Variants in FOCAD observed in about 807,000 individuals in gnomAD.
FOCAD encodes the protein focadhesin.
Under a neutral mutation model 225.6 loss-of-function variants are expected in FOCAD, and 198 were observed. The observed-to-expected ratio is 0.88, with a 90% CI of 0.78 to 0.99. The LOEUF (loss-of-function observed/expected upper bound fraction) is 0.99. Among genes scored for constraint, FOCAD ranks in the 50% least tolerant of loss-of-function variants. FOCAD has a pLI of 0.00. For synonymous variants in FOCAD, 897 were observed against 755.0 expected (o/e 1.19, Z -3.08); for missense variants, 2,713 against 2,123.6 (o/e 1.28, Z -5.46).
intron 7 of FOCAD, among the ~76,000 whole-genome samples, chr9:20,765,378 A>C (rs1052150885): frequency 3.3e-5 from 5 of 152,004 alleles, no homozygotes; most frequent in Admixed American, 6.6e-5. Context: ...TTTTGAGTTG[A>C]GTTTCTTCTG....
intron 18 of FOCAD, among the ~76,000 whole-genome samples, chr9:20,867,694 A>G (rs1008265837): frequency 1.3e-5 from 2 of 152,226 alleles, no homozygotes; most frequent in African/African-American, 2.4e-5. Context: ...TAGTGCCACT[A>G]TGAATTCAAA....
At chr9:20,916,525 T>C (rs1430826599) in intron 23 of FOCAD, among the ~76,000 whole-genome samples, 1 of 152,186 alleles carries the variant, frequency 6.6e-6, no homozygotes, top group African/African-American at 2.4e-5. Context: ...GGGATTAGGA[T>C]TCAATTTCAA....
At chr9:20,768,577 C>A (rs1240870491) in intron 7 of FOCAD, among the ~76,000 whole-genome samples, 2 of 151,872 alleles carry the variant, frequency 1.3e-5, no homozygotes, top group African/African-American at 4.8e-5. Context: ...GTATTTTATT[C>A]TCTTTGAAGC....
At chr9:20,734,681 G>A (rs1436541633) in intron 4 of FOCAD, among the ~76,000 whole-genome samples, 1 of 150,342 alleles carries the variant, frequency 6.7e-6, no homozygotes, top group East Asian at 2.0e-4. Context: ...ATCTCACTTT[G>A]TCACCCAGGC....
intron 11 of FOCAD, among the ~76,000 whole-genome samples, chr9:20,810,561 A>G (rs539415152): frequency 4.6e-5 from 7 of 152,264 alleles, no homozygotes; most frequent in South Asian, 2.1e-4. Context: ...TTCAGTCACT[A>G]TAGTTATCAT....
intron 5 of FOCAD, among the ~76,000 whole-genome samples, chr9:20,753,058 G>A (rs1828713024): frequency 6.6e-6 from 1 of 151,952 alleles, no homozygotes; most frequent in South Asian, 2.1e-4. Flanking sequence ...GGAGATTTTG[G>A]GCTGAGTCAA....
chr9:20,857,944 A>C (rs954904772), intron 15 of FOCAD, among the ~76,000 whole-genome samples: 3 of 151,804 alleles, frequency 2.0e-5, no homozygotes, highest in Non-Finnish European at 4.4e-5. Flanking sequence ...GATGAATCCT[A>C]CTTGATCACG....
intron 25 of FOCAD, among the ~76,000 whole-genome samples, chr9:20,924,950 C>G (rs1330692966): frequency 6.6e-6 from 1 of 152,098 alleles, no homozygotes; most frequent in Non-Finnish European, 1.5e-5. Flanking sequence ...TGTAGGACAG[C>G]TAGTTTGATT....
At chr9:20,809,939 A>G (rs1036803768) in intron 11 of FOCAD, among the ~76,000 whole-genome samples, 3 of 152,128 alleles carry the variant, frequency 2.0e-5, no homozygotes, top group African/African-American at 7.2e-5. Context: ...CTTAATTGCC[A>G]CTTTCTTTTA....
chr9:20,952,908 C>T, intron 34 of FOCAD, 77 bp from the exon 35 acceptor site: 1 of 1,125,242 alleles, frequency 8.9e-7, no homozygotes, highest in South Asian at 1.3e-5. Flanking sequence ...GTTGATATGG[C>T]AGCATGAGAT....
chr9:20,974,486 C>G (rs1840057086), intron 35 of FOCAD, among the ~76,000 whole-genome samples: 1 of 112,576 alleles, frequency 8.9e-6, no homozygotes, highest in African/African-American at 3.5e-5. Flanking sequence ...CCCCTTCTTT[C>G]AGCATCTGTT....
intron 1 of FOCAD, among the ~76,000 whole-genome samples, chr9:20,691,346 C>G (rs1185528270): frequency 6.6e-6 from 1 of 152,142 alleles, no homozygotes; most frequent in African/African-American, 2.4e-5. Flanking sequence ...TTTACTGGTT[C>G]TTCCTTATCT....
intron 2 of FOCAD, among the ~76,000 whole-genome samples, chr9:20,661,615 T>G (rs1160890032): frequency 6.6e-6 from 1 of 152,190 alleles, no homozygotes; most frequent in Non-Finnish European, 1.5e-5. Context: ...TTCCTACTGT[T>G]TTACATTTTG....
intron 2 of FOCAD, among the ~76,000 whole-genome samples, chr9:20,677,286 A>G (rs1022120571): frequency 6.6e-6 from 1 of 152,232 alleles, no homozygotes; most frequent in South Asian, 2.1e-4. Flanking sequence ...AAAGATAGGA[A>G]GAAAGCTTCT....
intron 1 of FOCAD, among the ~76,000 whole-genome samples, chr9:20,695,176 T>A (rs1823259897): frequency 6.6e-6 from 1 of 151,988 alleles, no homozygotes; most frequent in Admixed American, 6.6e-5. Flanking sequence ...ATATAGAGAG[T>A]TGTGTATATT....
At chr9:20,874,348 T>C (rs916746704) in intron 18 of FOCAD, 2 of 194,974 alleles carry the variant, frequency 1.0e-5, no homozygotes, top group Non-Finnish European at 2.1e-5. Context: ...ATTGAGTATG[T>C]CAGTGTTTGC....
rs559914309 is a variant in FOCAD at position 20,908,200 on chromosome 9, G to A, written c.2718+958G>A. ...TTATTAAGGATAATAGGAGAAATCC[G>A]ATGTTACTGAAGTAATTTATGTCCC... On this transcript the variant is annotated intron_variant, in intron 22 of 43. Coordinates refer to ENST00000338382, the MANE Select transcript of FOCAD (RefSeq NM_001375567.1). 3.3e-5 allele frequency among the ~76,000 whole-genome samples: 5 copies of A among 152,104 alleles called. No individual in the cohort carries two copies. In the East Asian group the frequency reaches 5.8e-4, roughly 18 times the overall value.
upstream of FOCAD, among the ~76,000 whole-genome samples, chr9:20,655,904 G>C (rs1821469265): frequency 6.6e-6 from 1 of 151,860 alleles, no homozygotes; most frequent in Admixed American, 6.6e-5. Flanking sequence ...GCTTTCTCTT[G>C]TGGGCATTTA....
intron 28 of FOCAD, among the ~76,000 whole-genome samples, chr9:20,938,986 A>C (rs555324175): frequency 1.3e-5 from 2 of 151,602 alleles, no homozygotes; most frequent in African/African-American, 4.8e-5. Flanking sequence ...TTGAAAAAAA[A>C]ATACAGAAAA....
Sources: gnomAD v4.1 joint callset for allele counts (sites outside exome capture counted in the v4.1 genomes callset) on GRCh38, gnomAD v4.1.1 for gene constraint, MANE v1.5 for transcripts, NCBI Gene and HGNC (gene_info 2026-07-23, HGNC 2026-07-21) for gene names.